CLIC5: variants seen among roughly 807,000 people sequenced by gnomAD.
CLIC5 encodes the protein chloride intracellular channel protein 5.
In CLIC5, 20 loss-of-function variants were observed where a neutral mutation model predicts 24.7. The ratio of observed to expected loss-of-function variants is 0.81; its 90% CI spans 0.57 to 1.18. CLIC5 has a LOEUF of 1.18. Ranked by LOEUF, CLIC5 falls within the 50% of genes most tolerant of loss-of-function variation. The probability of loss-of-function intolerance (pLI) is 0.00; values close to 1 mark genes in which losing one functional copy is unlikely to be tolerated. For synonymous variants in CLIC5, 159 were observed against 135.6 expected, an observed-to-expected ratio of 1.17 and a Z score of -1.20; for missense variants, 341 against 326.1, an observed-to-expected ratio of 1.05 and a Z score of -0.35.
intron 1 of CLIC5, among the ~76,000 whole-genome samples, chr6:45,983,471 C>T (rs1765630283): frequency 1.3e-5 from 2 of 152,132 alleles, no homozygotes; most frequent in South Asian, 2.1e-4. Context: ...AGTTTTGTAA[C>T]AATCGGTTGG....
At chr6:45,926,500 C>T (rs185801983) in intron 4 of CLIC5, among the ~76,000 whole-genome samples, 2 of 151,770 alleles carry the variant, frequency 1.3e-5, no homozygotes, top group South Asian at 2.1e-4. Flanking sequence ...TTGTGATCCG[C>T]CCCCCTCGGC....
chr6:46,010,655 C>T (rs1056630910), intron 1 of CLIC5, among the ~76,000 whole-genome samples: 3 of 152,222 alleles, frequency 2.0e-5, no homozygotes, highest in Non-Finnish European at 2.9e-5. Context: ...TCAACACTGG[C>T]AGTGGACGTC....
chr6:45,906,409 C>A (rs2127297702), intron 5 of CLIC5, among the ~76,000 whole-genome samples: 1 of 152,128 alleles, frequency 6.6e-6, no homozygotes, highest in Non-Finnish European at 1.5e-5. Context: ...TTATAGCTCC[C>A]CTTGTAGAGA....
At chr6:46,057,510 C>T (rs575621901) in intron 1 of CLIC5, among the ~76,000 whole-genome samples, 2 of 152,302 alleles carry the variant, frequency 1.3e-5, no homozygotes, top group Non-Finnish European at 2.9e-5. Context: ...ATACAGCTTG[C>T]TTCTATCCTT....
intron 1 of CLIC5, among the ~76,000 whole-genome samples, chr6:45,963,070 C>A (rs1430680334): frequency 6.6e-6 from 1 of 152,210 alleles, no homozygotes; most frequent in African/African-American, 2.4e-5. Context: ...TCATGTCCCG[C>A]TATTTGAATA....
At chr6:46,123,712 G>A in the CLIC5 span, among the ~76,000 whole-genome samples, 1 of 148,276 alleles carries the variant, frequency 6.7e-6, no homozygotes, top group Admixed American at 6.8e-5. Context: ...ATCCCCTTAA[G>A]CTGATAAGCA....
intron 5 of CLIC5, chr6:45,913,865 G>C (rs1323406338): frequency 2.6e-6 from 3 of 1,171,846 alleles, no homozygotes; most frequent in Non-Finnish European, 3.2e-6. Flanking sequence ...AGCTGTAGGG[G>C]TGTAGCCAGG....
chr6:45,884,690 C>T (rs1243741769), intron 6 of CLIC5, among the ~76,000 whole-genome samples: 1 of 152,168 alleles, frequency 6.6e-6, no homozygotes, highest in African/African-American at 2.4e-5. Flanking sequence ...TGGTGAAGCA[C>T]TGAGATTGGG....
intron 1 of CLIC5, among the ~76,000 whole-genome samples, chr6:46,021,971 G>A (rs1400432804): frequency 6.6e-6 from 1 of 152,190 alleles, no homozygotes; most frequent in Non-Finnish European, 1.5e-5. Flanking sequence ...AAAAGGTAAA[G>A]CCATCAGGTT....
chr6:45,989,616 G>A (rs1165053171), intron 1 of CLIC5, among the ~76,000 whole-genome samples: 4 of 152,112 alleles, frequency 2.6e-5, no homozygotes, highest in East Asian at 3.9e-4. Context: ...AGTGAGAAAG[G>A]CCCACCTTGC....
the CLIC5 span, among the ~76,000 whole-genome samples, chr6:46,089,488 G>C: frequency 6.6e-6 from 1 of 152,122 alleles, no homozygotes; most frequent in Non-Finnish European, 1.5e-5. Flanking sequence ...TGAACTCTCA[G>C]AAATGTTAAC....
chr6:45,934,883 T>G (rs1763873883), intron 4 of CLIC5, among the ~76,000 whole-genome samples: 1 of 152,224 alleles, frequency 6.6e-6, no homozygotes, highest in Non-Finnish European at 1.5e-5. Context: ...CTTTTCAAAT[T>G]AGTTAATCAA....
At chr6:46,004,523 G>T (rs1766473427) in intron 1 of CLIC5, among the ~76,000 whole-genome samples, 1 of 152,212 alleles carries the variant, frequency 6.6e-6, no homozygotes, top group South Asian at 2.1e-4. Flanking sequence ...AGGGTGGAGG[G>T]AGTCCAAGTG....
At chr6:46,073,222 C>T (rs1325644211) in intron 1 of CLIC5, among the ~76,000 whole-genome samples, 1 of 152,138 alleles carries the variant, frequency 6.6e-6, no homozygotes, top group Non-Finnish European at 1.5e-5. Context: ...GTGAGTCCAG[C>T]CAGGCTATCT....
At chr6:46,000,808 C>T (rs1014304269) in intron 1 of CLIC5, among the ~76,000 whole-genome samples, 1 of 152,136 alleles carries the variant, frequency 6.6e-6, no homozygotes, top group African/African-American at 2.4e-5. Flanking sequence ...CGGGTCTCTC[C>T]CTTGACACAT....
chr6:45,911,949 G>C, intron 5 of CLIC5: 1 of 985,588 alleles, frequency 1.0e-6, no homozygotes, highest in Non-Finnish European at 1.2e-6. Context: ...CTCATGGAGA[G>C]CCTGGGCCAG....
At chr6:46,075,033 G>T (rs1435388336) in intron 1 of CLIC5, among the ~76,000 whole-genome samples, 4 of 152,150 alleles carry the variant, frequency 2.6e-5, no homozygotes, top group African/African-American at 9.7e-5. Context: ...TTCCTGAATG[G>T]TTCCAATTTA....
intron 1 of CLIC5, among the ~76,000 whole-genome samples, chr6:45,990,375 G>C (rs528726553): frequency 6.6e-6 from 1 of 152,158 alleles, no homozygotes; most frequent in African/African-American, 2.4e-5. Flanking sequence ...CTGCCTGAAC[G>C]AAACAAAGAA....
rs541791212 is a variant in CLIC5, at chr6:46,075,988, G to A, written c.540+3715C>T. ...ATCCCAATGCTCCACTGCTGTCACA[G>A]TAACGCACCCTCATCTCTTGCCTGA... On this transcript the variant is annotated intron_variant, in intron 1 of 5. Coordinates refer to the CLIC5 transcript ENST00000185206. Among the ~76,000 whole-genome samples the A allele has an allele frequency of 3.9e-5, 6 of 152,292 alleles. No individual in the cohort carries two copies. In the South Asian group the frequency reaches 1.2e-3, roughly 32 times the overall value.
Sources: allele counts gnomAD v4.1 joint callset (sites outside exome capture counted in the v4.1 genomes callset), GRCh38; gene constraint gnomAD v4.1.1; transcripts MANE v1.5; gene names NCBI Gene and HGNC (gene_info 2026-07-23, HGNC 2026-07-21).